Variants in NKAIN2 observed in about 807,000 individuals in gnomAD.
The protein encoded by NKAIN2 is sodium/potassium transporting ATPase interacting 2.
In NKAIN2, 14 loss-of-function variants were observed where a neutral mutation model predicts 32.6. The observed-to-expected ratio is 0.43, with a 90% confidence interval of 0.28 to 0.67. The LOEUF (loss-of-function observed/expected upper bound fraction) is 0.67, where lower values mean the gene tolerates loss of function less well. Ranked by LOEUF, NKAIN2 falls within the 30% of genes least tolerant of loss-of-function variation. NKAIN2 has a pLI of 0.17. For synonymous variants in NKAIN2, 80 were observed against 87.2 expected (o/e 0.92, Z 0.46); for missense variants, 198 against 258.3 (o/e 0.77, Z 1.60).
chr6:124,725,297 G>T (rs1776217615), intron 4 of NKAIN2, among the ~76,000 whole-genome samples: 1 of 152,046 alleles, frequency 6.6e-6, no homozygotes, highest in Non-Finnish European at 1.5e-5. Context: ...GGAGTGCAGT[G>T]TCATGATCAT....
At chr6:124,032,335 C>T (rs887885249) in intron 1 of NKAIN2, among the ~76,000 whole-genome samples, 1 of 151,650 alleles carries the variant, frequency 6.6e-6, no homozygotes. Context: ...GGGTGCAGCA[C>T]ACCAACATGG....
intron 3 of NKAIN2, among the ~76,000 whole-genome samples, chr6:124,413,613 C>T (rs532757899): frequency 5.3e-5 from 8 of 152,228 alleles, no homozygotes; most frequent in African/African-American, 1.9e-4. Flanking sequence ...ATAGGGATTG[C>T]ACTAAAGCTA....
intron 4 of NKAIN2, among the ~76,000 whole-genome samples, chr6:124,738,715 C>T (rs1013580161): frequency 4.6e-5 from 7 of 151,768 alleles, no homozygotes; most frequent in Admixed American, 2.0e-4. Context: ...ACCAGAAGAC[C>T]TTGGCTGGGT....
chr6:124,417,254 A>G (rs1774532648), intron 3 of NKAIN2, among the ~76,000 whole-genome samples: 1 of 152,214 alleles, frequency 6.6e-6, no homozygotes, highest in Non-Finnish European at 1.5e-5. Flanking sequence ...TTTCAACAAA[A>G]TCTGAAAGTC....
chr6:124,197,184 T>G (rs1790355060), intron 1 of NKAIN2, among the ~76,000 whole-genome samples: 1 of 152,044 alleles, frequency 6.6e-6, no homozygotes, highest in African/African-American at 2.4e-5. Context: ...TATTTTAAAA[T>G]ACTGCATTTA....
chr6:124,823,261 C>G lies in NKAIN2; in HGVS notation c.*32C>G, dbSNP rs1337121504. The G allele has an allele frequency of 1.3e-6, 2 of 1,554,828 alleles. No individual in the cohort carries two copies. The highest frequency in any genetic ancestry group is 1.1e-5 in the South Asian group (1 of 89,984). ...TGACTTCAGTATGTCAGCCCATGGA[C>G]CTTTCAAAGAACTTTTTTCGCAGTG... On this transcript the variant is annotated 3_prime_UTR_variant, in exon 7 of 7. Coordinates refer to ENST00000368417, the MANE Select transcript of NKAIN2 (RefSeq NM_001040214.3).
At chr6:123,984,501 T>A (rs1273931821) in intron 1 of NKAIN2, among the ~76,000 whole-genome samples, 1 of 152,106 alleles carries the variant, frequency 6.6e-6, no homozygotes, top group Non-Finnish European at 1.5e-5. Context: ...ACCAATACAG[T>A]AATATACTGT....
chr6:123,984,694 A>G (rs1432765718), intron 1 of NKAIN2, among the ~76,000 whole-genome samples: 1 of 152,178 alleles, frequency 6.6e-6, no homozygotes, highest in Non-Finnish European at 1.5e-5. Flanking sequence ...GTTATCTTTT[A>G]TCAACTCAAT....
intron 4 of NKAIN2, among the ~76,000 whole-genome samples, chr6:124,702,228 AT>A (rs1239070561): frequency 6.6e-6 from 1 of 152,078 alleles, no homozygotes; most frequent in African/African-American, 2.4e-5. Flanking sequence ...TTTGATATTC[AT>A]TTTTTTGTGT....
chr6:124,609,643 A>G (rs1169579745), intron 3 of NKAIN2, among the ~76,000 whole-genome samples: 1 of 151,762 alleles, frequency 6.6e-6, no homozygotes, highest in Non-Finnish European at 1.5e-5. Flanking sequence ...CTCTCCCACT[A>G]GCTTGCCCCC....
intron 1 of NKAIN2, among the ~76,000 whole-genome samples, chr6:123,941,755 T>A (rs897808186): frequency 6.6e-6 from 1 of 152,016 alleles, no homozygotes; most frequent in Non-Finnish European, 1.5e-5. Context: ...GAAAGAAGCC[T>A]GGATAAAAGA....
rs565841209 is a variant in NKAIN2 at position 123,967,608 on chromosome 6, G to A, written c.54+163354G>A. Among the ~76,000 whole-genome samples, 7 of 152,196 alleles carry A rather than the reference G, an allele frequency of 4.6e-5. No homozygotes were observed. The South Asian group carries it at 1.5e-3, about 32-fold the overall frequency. On this transcript the variant is annotated intron_variant, in intron 1 of 6. Coordinates refer to ENST00000368417, the MANE Select transcript of NKAIN2 (RefSeq NM_001040214.3). ...CTGTGGTTTTCCACCCCCAACTGAA[G>A]GTTGGTGTAGAGCACAGAAGTCCAA...
chr6:124,760,870 C>T (rs1056331066), intron 4 of NKAIN2, among the ~76,000 whole-genome samples: 8 of 152,134 alleles, frequency 5.3e-5, no homozygotes, highest in East Asian at 1.9e-4. Flanking sequence ...AGAGTATCAA[C>T]GTACCTTGAG....
chr6:124,407,144 A>T (rs1773897044), intron 3 of NKAIN2, among the ~76,000 whole-genome samples: 1 of 152,056 alleles, frequency 6.6e-6, no homozygotes, highest in African/African-American at 2.4e-5. Flanking sequence ...TTCTTTTAGA[A>T]ATTTTATAGT....
chr6:124,807,932 A>T (rs1780669159), intron 5 of NKAIN2, among the ~76,000 whole-genome samples: 1 of 149,730 alleles, frequency 6.7e-6, no homozygotes. Context: ...AGACTAAACC[A>T]GGAAGAAGTT....
At chr6:123,846,575 T>C (rs1775099024) in intron 1 of NKAIN2, among the ~76,000 whole-genome samples, 1 of 152,202 alleles carries the variant, frequency 6.6e-6, no homozygotes, top group Non-Finnish European at 1.5e-5. Flanking sequence ...ATGAACTAAG[T>C]GGGATGTTAA....
chr6:124,130,905 A>G (rs1407123357), intron 1 of NKAIN2, among the ~76,000 whole-genome samples: 1 of 152,160 alleles, frequency 6.6e-6, no homozygotes, highest in Non-Finnish European at 1.5e-5. Flanking sequence ...GCAAAACACA[A>G]AACCAAACTG....
At chr6:124,080,640 A>AAAGGAG (rs1783918415) in intron 1 of NKAIN2, among the ~76,000 whole-genome samples, 1 of 152,152 alleles carries the variant, frequency 6.6e-6, no homozygotes, top group Non-Finnish European at 1.5e-5. Context: ...AGGAAAAGGA[A>AAAGGAG]GAAAATAAAC....
At chr6:124,801,077 A>G (rs1054424689) in intron 5 of NKAIN2, among the ~76,000 whole-genome samples, 1 of 152,084 alleles carries the variant, frequency 6.6e-6, no homozygotes, top group African/African-American at 2.4e-5. Flanking sequence ...TTGGCTCCAA[A>G]CCCGTCACCC....
Sources: gnomAD v4.1 joint callset for allele counts (sites outside exome capture counted in the v4.1 genomes callset) on GRCh38, gnomAD v4.1.1 for gene constraint, MANE v1.5 for transcripts, NCBI Gene and HGNC (gene_info 2026-07-23, HGNC 2026-07-21) for gene names.